ZNF644: variants seen among roughly 807,000 people sequenced by gnomAD.
ZNF644 encodes zinc finger motif enhancer binding protein 2.
A neutral mutation model predicts 108.0 loss-of-function variants in ZNF644; 20 were observed. That is an observed-to-expected ratio of 0.19 (90% CI 0.13 to 0.27). The LOEUF is 0.27. Ranked by LOEUF, ZNF644 falls within the 10% of genes least tolerant of loss-of-function variation. ZNF644 has a pLI of 1.00. For missense variants in ZNF644, 1,338 were observed against 1,548.9 expected (o/e 0.86, Z 2.29); for synonymous variants, 542 against 539.1 (o/e 1.01, Z -0.08).
chr1:91,013,492 C>T (rs991360910), intron 1 of ZNF644, among the ~76,000 whole-genome samples: 1 of 151,676 alleles, frequency 6.6e-6, no homozygotes, highest in Non-Finnish European at 1.5e-5. Flanking sequence ...CATACACACA[C>T]ACACACACAT....
chr1:91,013,663 T>C (rs1003058061), intron 1 of ZNF644, among the ~76,000 whole-genome samples: 2 of 152,160 alleles, frequency 1.3e-5, no homozygotes, highest in Non-Finnish European at 2.9e-5. Flanking sequence ...TCAATTTCTA[T>C]GTTATTCTTT....
Position 90,938,895 on chromosome 1 carries a change from G to T in ZNF644, c.2459C>A (p.Ser820Tyr). 1 of 1,613,948 alleles carries T rather than the reference G, an allele frequency of 6.2e-7. No homozygotes were observed. Among genetic ancestry groups the T allele is most frequent in the Non-Finnish European group, 8.5e-7 (1 of 1,179,940 alleles). Residue 820 changes from serine (S) to tyrosine (Y), a missense_variant, in exon 3 of 6, where the codon TCT (serine) becomes TAT (tyrosine). Physicochemically the swap from Ser to Tyr is moderately radical, Grantham distance 144 (BLOSUM62 -2). Coordinates refer to ENST00000337393, the MANE Select transcript of ZNF644 (RefSeq NM_201269.3). The surrounding 1 kb of genome is among the most constrained non-coding windows in gnomAD (Gnocchi z 4.2). The stretch of plus-strand genomic sequence containing the variant: ...GCTATCCAAGTCTTCCCCTCCAACA[G>T]AACTTTCCTTCTTAGATTCCTTAAT... ...RVIKESKKES[S>Y]VGGEDLDSYP... is the part of the protein sequence containing the mutation.
intron 2 of ZNF644, among the ~76,000 whole-genome samples, chr1:90,963,023 G>A (rs551051224): frequency 6.6e-6 from 1 of 152,054 alleles, no homozygotes; most frequent in Non-Finnish European, 1.5e-5. Context: ...AAGCCAAAGT[G>A]GAATGTATAT....
At chr1:90,963,137 A>G (rs1654501400) in intron 2 of ZNF644, among the ~76,000 whole-genome samples, 1 of 152,194 alleles carries the variant, frequency 6.6e-6, no homozygotes, top group Non-Finnish European at 1.5e-5. Flanking sequence ...ATAGGGCTGT[A>G]TGTATAAACC....
chr1:90,963,806 T>C (rs1286387304), intron 2 of ZNF644, among the ~76,000 whole-genome samples: 1 of 151,178 alleles, frequency 6.6e-6, no homozygotes, highest in East Asian at 1.9e-4. Flanking sequence ...ACATAGGGGG[T>C]TTCTGGGTTG....
At chr1:90,964,332 C>T (rs1420775122) in intron 2 of ZNF644, among the ~76,000 whole-genome samples, 1 of 152,106 alleles carries the variant, frequency 6.6e-6, no homozygotes, top group East Asian at 1.9e-4. Context: ...TATTAAAAAT[C>T]TATTTTCTCA....
intron 1 of ZNF644, among the ~76,000 whole-genome samples, chr1:90,997,428 T>C (rs767065912): frequency 1.3e-5 from 2 of 151,802 alleles, no homozygotes; most frequent in African/African-American, 2.4e-5. Flanking sequence ...ATAGATTTCA[T>C]AGAATTAGTT....
intron 1 of ZNF644, among the ~76,000 whole-genome samples, chr1:91,015,829 T>A (rs1189087727): frequency 6.6e-6 from 1 of 152,152 alleles, no homozygotes; most frequent in African/African-American, 2.4e-5. Context: ...CTCAAGTTAA[T>A]GTAGAAAGAA....
Position 90,941,107 on chromosome 1 carries a change from A to T in ZNF644, c.247T>A (p.Ser83Thr). The T allele has an allele frequency of 6.2e-7, 1 of 1,614,102 alleles. No homozygotes were observed. The highest frequency in any genetic ancestry group is 1.1e-5 in the South Asian group (1 of 91,084). ...TLPEELSKDK[S>T]ENALSGGQSS... is the part of the protein sequence containing the mutation. ...TGGCCTCCACTTAAGGCGTTTTCAG[A>T]TTTGTCCTTTGACAGTTCTTCAGGC... The change falls in exon 3 of 6, where the codon TCT becomes ACT. Residue 83 changes from serine to threonine, a missense_variant. Physicochemically the swap from Ser to Thr is moderately conservative, Grantham distance 58. Coordinates refer to ENST00000337393, the MANE Select transcript of ZNF644 (RefSeq NM_201269.3).
At chr1:90,967,843 C>T (rs1247047546) in intron 2 of ZNF644, among the ~76,000 whole-genome samples, 6 of 146,610 alleles carry the variant, frequency 4.1e-5, no homozygotes, top group Admixed American at 3.5e-4. Flanking sequence ...GTCAGGAGTT[C>T]GAGACCAGCC....
chr1:90,915,618 C>A lies in ZNF644; in HGVS notation c.*1180G>T, dbSNP rs1648685378. 6.6e-6 allele frequency: 1 copy of A among 152,536 alleles called. No homozygotes were observed. The highest frequency in any genetic ancestry group is 1.5e-5 in the Non-Finnish European group (1 of 67,986). The allele number at this position is 152,536 out of a possible 1,614,324, so 9.4% of individuals were successfully genotyped here. A position where few individuals can be genotyped will look rare whatever the true frequency, so the allele number is the denominator to read the frequency against. The stretch of plus-strand genomic sequence containing the variant: ...TAAAAAGAATCACAATTTATCATGA[C>A]CAAGACACCTGCACCATATTTTCCA... On this transcript the variant is annotated 3_prime_UTR_variant, in exon 6 of 6. Transcript: ENST00000337393.
At chr1:90,968,442 C>T (rs968495917) in intron 2 of ZNF644, among the ~76,000 whole-genome samples, 2 of 152,040 alleles carry the variant, frequency 1.3e-5, no homozygotes, top group Non-Finnish European at 2.9e-5. Flanking sequence ...GGGGGGGAGC[C>T]TCTCATTTTA....
In ZNF644 at chr1:90,937,465, AGTCATAAAC is replaced by A; in HGVS notation, c.3688+11_3688+19del. On this transcript the variant is annotated intron_variant, in intron 4 of 5. Transcript: ENST00000337393. Reference sequence around the variant, plus strand: ...ACTGCATTTAAACTGTGTATAGCATAGTCATAAACGTCCTCTTACCTGAGTGCATAGTCA... The same window carrying A: ...ACTGCATTTAAACTGTGTATAGCATAGTCCTCTTACCTGAGTGCATAGTCA... The A allele has an allele frequency of 6.2e-7, 1 of 1,613,464 alleles. No homozygotes were observed. The highest frequency in any genetic ancestry group is 1.7e-5 in the Admixed American group (1 of 59,998).
intron 1 of ZNF644, among the ~76,000 whole-genome samples, chr1:90,991,553 C>T (rs1383491167): frequency 1.3e-5 from 2 of 152,210 alleles, no homozygotes; most frequent in Non-Finnish European, 2.9e-5. Context: ...AACTGACTCA[C>T]AGTTCCGCAG....
chr1:90,940,782 T>C lies in ZNF644; in HGVS notation c.572A>G (p.Asn191Ser). 1 of 1,613,994 alleles carries C rather than the reference T, an allele frequency of 6.2e-7. No homozygotes were observed. Among genetic ancestry groups the C allele is most frequent in the South Asian group, 1.1e-5 (1 of 91,078 alleles). ...TGAAGCAGAGGTAGGTAGTTTTTTA[T>C]TGGAATGGGTGGGATTCTTAGCATG... ...VAHAKNPTHS[N>S]KKLPTSASVG... The change falls in exon 3 of 6, where the codon AAT becomes AGT. Residue 191 changes from asparagine (N) to serine (S), a missense_variant. By Grantham distance (46) the Asn-to-Ser change is conservative. This residue lies in a region of ZNF644 where 464 missense variants were observed against 457.9 expected (regional missense o/e 1.01). Transcript: ENST00000337393.
intron 2 of ZNF644, among the ~76,000 whole-genome samples, chr1:90,954,182 C>T (rs2101068869): frequency 6.6e-6 from 1 of 152,262 alleles, no homozygotes; most frequent in African/African-American, 2.4e-5. Context: ...TAGCATCTTA[C>T]CCACAGTAAA....
intron 1 of ZNF644, among the ~76,000 whole-genome samples, chr1:90,984,118 A>G (rs146734114): frequency 4.6e-5 from 7 of 152,274 alleles, no homozygotes; most frequent in East Asian, 3.9e-4. Flanking sequence ...TTTTGGCCCA[A>G]TAATACTGAT....
rs1370518858 is a variant in ZNF644, at chr1:91,010,260, G to A, written c.-18+11730C>T. ...CCTTTTTTTTTTTTTTTTTTTCTGA[G>A]ACACAGTCTCACTCTGTTGCCCAGG... On this transcript the variant is annotated intron_variant, in intron 1 of 5. Transcript: ENST00000337393. 3.1e-4 allele frequency among the ~76,000 whole-genome samples: 40 copies of A among 128,334 alleles called. No homozygotes were observed. The East Asian group carries it at 5.7e-3, about 18-fold the overall frequency. The allele number at this position is 128,334 out of a possible 152,430, so 84.2% of individuals were successfully genotyped here.
At chr1:90,950,346 A>G (rs1296403417) in intron 2 of ZNF644, among the ~76,000 whole-genome samples, 1 of 114,830 alleles carries the variant, frequency 8.7e-6, no homozygotes, top group Admixed American at 9.2e-5. Flanking sequence ...AAAGAAAAGA[A>G]AAGAAAAGAA....
Sources: allele counts gnomAD v4.1 joint callset (sites outside exome capture counted in the v4.1 genomes callset), GRCh38; gene constraint gnomAD v4.1.1; regional missense constraint gnomAD v4.1.1; non-coding constraint Gnocchi (gnomAD v3.1); transcripts MANE v1.5; gene names NCBI Gene and HGNC (gene_info 2026-07-23, HGNC 2026-07-21).